The following C5 variants were observed in gnomAD, a reference collection of about 807,000 sequenced individuals.
C5 encodes the protein C3 and PZP-like alpha-2-macroglobulin domain-containing protein 4.
Under a neutral mutation model 218.8 loss-of-function variants are expected in C5, and 140 were observed. The observed-to-expected ratio is 0.64, with a 90% CI of 0.56 to 0.74. The LOEUF (loss-of-function observed/expected upper bound fraction) is 0.74. Among genes scored for constraint, C5 ranks in the 30% least tolerant of loss-of-function variants. C5 has a pLI of 0.00. For synonymous variants in C5, 614 were observed against 682.3 expected, an observed-to-expected ratio of 0.90 and a Z score of 1.56; for missense variants, 1,700 against 1,969.6, an observed-to-expected ratio of 0.86 and a Z score of 2.59.
At chr9:121,067,488 C>T in the C5 span, among the ~76,000 whole-genome samples, 44 of 150,094 alleles carry the variant, frequency 2.9e-4, no homozygotes, top group East Asian at 3.0e-3. Flanking sequence ...CACTTGAACT[C>T]GGGGGGTGGA....
chr9:120,970,390 C>T (rs1019493795), intron 31 of C5, 139 bp from the exon 32 acceptor site: 3 of 698,104 alleles, frequency 4.3e-6, no homozygotes, highest in African/African-American at 1.8e-5. Context: ...ACATTAGTGA[C>T]TCATTTTTCC....
chr9:121,023,596 A>G, intron 9 of C5, 77 bp from the exon 10 acceptor site: 1 of 823,718 alleles, frequency 1.2e-6, no homozygotes, highest in East Asian at 2.4e-5. Context: ...TCATCTCTAT[A>G]TGTCTCCACA....
At chr9:121,012,106 A>G (rs1490074276) in intron 17 of C5, among the ~76,000 whole-genome samples, 2 of 152,134 alleles carry the variant, frequency 1.3e-5, no homozygotes, top group Non-Finnish European at 2.9e-5. Flanking sequence ...AAAATAACTA[A>G]AAGAGTATAA....
chr9:121,001,245 T>C (rs902276735), intron 20 of C5, among the ~76,000 whole-genome samples: 3 of 152,146 alleles, frequency 2.0e-5, no homozygotes, highest in African/African-American at 7.2e-5. Context: ...ACTATTATCA[T>C]CCCATTTGTC....
chr9:121,070,384 G>GAC, the C5 span, among the ~76,000 whole-genome samples: 1 of 72,900 alleles, frequency 1.4e-5, no homozygotes, highest in Non-Finnish European at 2.4e-5. Flanking sequence ...AAGGAAGGGT[G>GAC]ATATATATAT....
chr9:121,052,728 G>C (rs950221900), upstream of C5, among the ~76,000 whole-genome samples: 2 of 152,078 alleles, frequency 1.3e-5, no homozygotes, highest in African/African-American at 4.8e-5. Context: ...CGGCCAAGGA[G>C]CTGAATTACC....
chr9:120,996,607 C>T (rs897300090), intron 21 of C5, among the ~76,000 whole-genome samples: 8 of 152,280 alleles, frequency 5.3e-5, no homozygotes, highest in East Asian at 3.9e-4. Context: ...TACTCCCATT[C>T]GACAGATGAG....
At position 121,016,280 on chromosome 9, in the gene C5, G is replaced by C; in HGVS notation, c.1970C>G (p.Ala657Gly). ...HLAGLTFLTN[A>G]NADDSQENDE... Reference sequence around the variant, plus strand: ...ATTTTCTTGGGAGTCATCTGCATTTGCATTAGTGAGGAAGGTAAGTCCAGC... The same window carrying C: ...ATTTTCTTGGGAGTCATCTGCATTTCCATTAGTGAGGAAGGTAAGTCCAGC... The change falls in exon 15 of 41, where the codon GCA (alanine) becomes GGA (glycine). Residue 657 changes from alanine to glycine, a missense_variant. Transcript: ENST00000223642. The C allele has an allele frequency of 6.2e-7, 1 of 1,614,052 alleles. No homozygotes were observed. Among genetic ancestry groups the C allele is most frequent in the South Asian group, 1.1e-5 (1 of 91,086 alleles).
intron 24 of C5, 134 bp from the exon 25 acceptor site, chr9:120,989,255 G>A (rs1000136501): frequency 2.0e-5 from 15 of 757,210 alleles, no homozygotes; most frequent in Middle Eastern, 2.3e-4. Context: ...GGCCAGCATT[G>A]AACTTCTCAA....
intron 25 of C5, among the ~76,000 whole-genome samples, chr9:120,987,014 G>A (rs2047037737): frequency 6.6e-6 from 1 of 152,176 alleles, no homozygotes; most frequent in Admixed American, 6.5e-5. Context: ...GGAAAGGAAG[G>A]AATCAAAAAC....
At chr9:120,959,720 C>G (rs888161609) in intron 38 of C5, among the ~76,000 whole-genome samples, 2 of 152,192 alleles carry the variant, frequency 1.3e-5, no homozygotes, top group Non-Finnish European at 1.5e-5. Flanking sequence ...TACTTGAACA[C>G]TAATTTAGCT....
the C5 span, among the ~76,000 whole-genome samples, chr9:121,062,050 T>TTTG: frequency 3.4e-5 from 5 of 148,564 alleles, no homozygotes; most frequent in Admixed American, 3.3e-4. Flanking sequence ...TCCTTGTTTT[T>TTTG]TTGTTGTTGT....
intron 5 of C5, 62 bp from the exon 6 acceptor site, chr9:121,032,257 A>C: frequency 1.0e-6 from 1 of 953,886 alleles, no homozygotes. Flanking sequence ...CACTCAGAGG[A>C]GATCTAATAA....
chr9:121,016,384 C>T lies in C5; in HGVS notation c.1867-1G>A. 6.2e-7 allele frequency: 1 copy of T among 1,613,942 alleles called. No homozygotes were observed. The highest frequency in any genetic ancestry group is 2.2e-5 in the East Asian group (1 of 44,878). On this transcript the variant is annotated splice_acceptor_variant, in intron 14 of 40. Coordinates refer to ENST00000223642, the MANE Select transcript of C5 (RefSeq NM_001735.3). LOFTEE classifies it high-confidence loss of function. ...CACTCTTCTCTAAGAATTGAAATACCTGTCCAGAAAGGCAAAATGTTGAGC... is the reference window on the plus strand; with the variant it reads ...CACTCTTCTCTAAGAATTGAAATACTTGTCCAGAAAGGCAAAATGTTGAGC...
At chr9:121,004,078 C>A (rs1428550538) in intron 20 of C5, among the ~76,000 whole-genome samples, 1 of 152,086 alleles carries the variant, frequency 6.6e-6, no homozygotes, top group Non-Finnish European at 1.5e-5. Context: ...ACCGTGTTTG[C>A]CAGGATGGTG....
intron 25 of C5, among the ~76,000 whole-genome samples, chr9:120,986,959 G>T (rs1587961654): frequency 6.6e-6 from 1 of 151,968 alleles, no homozygotes; most frequent in African/African-American, 2.4e-5. Flanking sequence ...TAATCCTAAG[G>T]TATAATCTAT....
At chr9:120,968,550 C>T (rs904622573) in intron 33 of C5, among the ~76,000 whole-genome samples, 2 of 152,212 alleles carry the variant, frequency 1.3e-5, no homozygotes, top group Admixed American at 1.3e-4. Flanking sequence ...ATTGAGGCCT[C>T]GGTATTTAGT....
chr9:121,009,790 C>A (rs910923445), intron 17 of C5, among the ~76,000 whole-genome samples: 4 of 152,232 alleles, frequency 2.6e-5, no homozygotes, highest in Admixed American at 2.6e-4. Flanking sequence ...ACCAATGCCA[C>A]TCCTCCCACA....
intron 20 of C5, among the ~76,000 whole-genome samples, chr9:121,002,345 CACAT>C (rs1157304912): frequency 1.0e-5 from 1 of 96,736 alleles, no homozygotes; most frequent in African/African-American, 3.9e-5. Context: ...TATATATACA[CACAT>C]ACCTACACAA....
Sources: allele counts gnomAD v4.1 joint callset (sites outside exome capture counted in the v4.1 genomes callset), GRCh38; gene constraint gnomAD v4.1.1; transcripts MANE v1.5; gene names NCBI Gene and HGNC (gene_info 2026-07-23, HGNC 2026-07-21).